GRIN2B: variants seen among roughly 807,000 people sequenced by gnomAD.
GRIN2B encodes glutamate ionotropic receptor NMDA type subunit 2B.
Under a neutral mutation model 114.5 loss-of-function variants are expected in GRIN2B, and 5 were observed. The observed-to-expected ratio is 0.04, with a 90% CI of 0.02 to 0.09. The LOEUF is 0.09. Among genes scored for constraint, GRIN2B ranks in the 10% least tolerant of loss-of-function variants. GRIN2B has a pLI of 1.00. For missense variants in GRIN2B, 1,108 were observed against 1,943.5 expected (o/e 0.57, Z 8.08); for synonymous variants, 787 against 745.1 (o/e 1.06, Z -0.92).
At chr12:13,661,112 C>T (rs559401448) in intron 5 of GRIN2B, among the ~76,000 whole-genome samples, 12 of 152,234 alleles carry the variant, frequency 7.9e-5, no homozygotes, top group Admixed American at 3.9e-4. Context: ...CTTCATTCTC[C>T]TAGTCCTCTA....
chr12:13,792,847 T>G (rs1312576038), intron 3 of GRIN2B, among the ~76,000 whole-genome samples: 1 of 152,214 alleles, frequency 6.6e-6, no homozygotes, highest in East Asian at 1.9e-4. Context: ...CAGCAGATAT[T>G]GCACCTGAAC....
At chr12:13,973,382 G>C (rs1415417715) in intron 2 of GRIN2B, among the ~76,000 whole-genome samples, 1 of 152,160 alleles carries the variant, frequency 6.6e-6, no homozygotes, top group Non-Finnish European at 1.5e-5. Context: ...TTTGCCGTTG[G>C]TGAGTTGAGT....
At chr12:13,694,157 G>C (rs974598706) in intron 4 of GRIN2B, among the ~76,000 whole-genome samples, 3 of 152,012 alleles carry the variant, frequency 2.0e-5, no homozygotes, top group Non-Finnish European at 4.4e-5. Flanking sequence ...TCATAGCCTT[G>C]CCAGAAAAAT....
chr12:13,861,572 A>G (rs1002709194), intron 3 of GRIN2B, among the ~76,000 whole-genome samples: 1 of 152,224 alleles, frequency 6.6e-6, no homozygotes, highest in Non-Finnish European at 1.5e-5. Flanking sequence ...TTACTATTCG[A>G]AACAGTCTCT....
At chr12:13,771,324 A>T (rs1488236250) in intron 3 of GRIN2B, among the ~76,000 whole-genome samples, 1 of 152,214 alleles carries the variant, frequency 6.6e-6, no homozygotes, top group African/African-American at 2.4e-5. Flanking sequence ...AGTCTTGGGT[A>T]TGTCTTTATT....
intron 5 of GRIN2B, among the ~76,000 whole-genome samples, chr12:13,659,088 C>T (rs979031256): frequency 6.6e-6 from 1 of 152,150 alleles, no homozygotes; most frequent in African/African-American, 2.4e-5. Flanking sequence ...GAGAACATCC[C>T]TCAGTCTGCA....
chr12:13,633,666 AG>A (rs1949637367), intron 5 of GRIN2B, among the ~76,000 whole-genome samples: 1 of 152,218 alleles, frequency 6.6e-6, no homozygotes, highest in Admixed American at 6.5e-5. Flanking sequence ...GACTTGAAAA[AG>A]TTTCATTTGC....
intron 3 of GRIN2B, among the ~76,000 whole-genome samples, chr12:13,779,372 T>C (rs192443729): frequency 2.3e-3 from 343 of 152,322 alleles, no homozygotes; most frequent in African/African-American, 7.7e-3. Context: ...TAGATGTTTT[T>C]TGGTTTTGTT....
rs1001372943 is a variant in GRIN2B at position 13,795,864 on chromosome 12, T to C, written c.412-41949A>G. 3.3e-5 allele frequency among the ~76,000 whole-genome samples: 5 copies of C among 151,802 alleles called. No homozygotes were observed. The East Asian group carries it at 9.7e-4, about 29-fold the overall frequency. ...ACCAAACATCACGTGTTCTAACTCATAGGTGGGAATTGAACAATGAGAACA... is the reference window on the plus strand; with the variant it reads ...ACCAAACATCACGTGTTCTAACTCACAGGTGGGAATTGAACAATGAGAACA... On this transcript the variant is annotated intron_variant, in intron 3 of 13. Coordinates refer to ENST00000609686, the MANE Select transcript of GRIN2B (RefSeq NM_000834.5).
At chr12:13,737,922 C>A (rs1216044702) in intron 4 of GRIN2B, among the ~76,000 whole-genome samples, 3 of 152,132 alleles carry the variant, frequency 2.0e-5, no homozygotes, top group Non-Finnish European at 4.4e-5. Flanking sequence ...AAATTATGTT[C>A]TTTCTTAATA....
At chr12:13,912,964 TC>T (rs1866649727) in intron 2 of GRIN2B, among the ~76,000 whole-genome samples, 1 of 152,064 alleles carries the variant, frequency 6.6e-6, no homozygotes, top group African/African-American at 2.4e-5. Flanking sequence ...GTCCCATACC[TC>T]AGTGGGTTTG....
intron 4 of GRIN2B, among the ~76,000 whole-genome samples, chr12:13,688,288 T>C (rs1243630525): frequency 6.6e-6 from 1 of 152,162 alleles, no homozygotes; most frequent in Non-Finnish European, 1.5e-5. Context: ...CCTAGGCTCT[T>C]GATTATGATT....
At chr12:13,739,243 G>A (rs1039087407) in intron 4 of GRIN2B, among the ~76,000 whole-genome samples, 2 of 151,718 alleles carry the variant, frequency 1.3e-5, no homozygotes, top group Non-Finnish European at 2.9e-5. Context: ...AGTCGGGCAT[G>A]GTGGTGCATG....
Position 13,539,168 on chromosome 12 carries a change from T to C in GRIN2B, c.*23615A>G, listed in dbSNP as rs576261135. The C allele has an allele frequency of 2.0e-5, 3 of 152,258 alleles. No homozygotes were observed. Among genetic ancestry groups the C allele is most frequent in the Admixed American group, 6.5e-5 (1 of 15,296 alleles). The allele number at this position is 152,258 out of a possible 1,614,324, so 9.4% of individuals were successfully genotyped here. On this transcript the variant is annotated 3_prime_UTR_variant, in exon 14 of 14. Coordinates refer to ENST00000609686, the MANE Select transcript of GRIN2B (RefSeq NM_000834.5). The stretch of plus-strand genomic sequence containing the variant: ...CAGATAATCTCTCTGAGACAGTAAC[T>C]TCAAAGAGATAACAATACATTATCC...
intron 3 of GRIN2B, among the ~76,000 whole-genome samples, chr12:13,766,909 C>T (rs1863801403): frequency 6.6e-6 from 1 of 152,110 alleles, no homozygotes; most frequent in Non-Finnish European, 1.5e-5. Context: ...TTCAGCGTTC[C>T]TACCGTAGAG....
At chr12:13,627,894 C>G (rs1018554390) in intron 5 of GRIN2B, among the ~76,000 whole-genome samples, 60 of 152,212 alleles carry the variant, frequency 3.9e-4, no homozygotes, top group African/African-American at 1.4e-3. Flanking sequence ...CTTCTATTCC[C>G]CATGCACTCC....
chr12:13,766,966 C>A (rs1239272511), intron 3 of GRIN2B, among the ~76,000 whole-genome samples: 1 of 152,118 alleles, frequency 6.6e-6, no homozygotes, highest in Non-Finnish European at 1.5e-5. Context: ...ACACAAGTAG[C>A]CTAATGTTGG....
intron 2 of GRIN2B, among the ~76,000 whole-genome samples, chr12:13,950,688 C>G (rs1255251357): frequency 2.6e-5 from 4 of 152,154 alleles, no homozygotes; most frequent in Non-Finnish European, 5.9e-5. Context: ...GATTCCTGCA[C>G]GACAGTAAAT....
Position 13,823,199 on chromosome 12 carries a change from C to A in GRIN2B, c.411+42599G>T, listed in dbSNP as rs1048373046. Among the ~76,000 whole-genome samples the A allele has an allele frequency of 7.6e-4, 115 of 152,034 alleles. 1 individual carries two copies. The highest frequency in any genetic ancestry group is 2.6e-3 in the African/African-American group (106 of 41,504). On this transcript the variant is annotated intron_variant, in intron 3 of 13. Transcript: ENST00000609686. The stretch of plus-strand genomic sequence containing the variant: ...TAATGACATCAATTTCTACCCCCAC[C>A]CTGAAAAAACCCCACTGGGCTTTTT...
Sources: allele counts gnomAD v4.1 joint callset (sites outside exome capture counted in the v4.1 genomes callset), GRCh38; gene constraint gnomAD v4.1.1; transcripts MANE v1.5; gene names NCBI Gene and HGNC (gene_info 2026-07-23, HGNC 2026-07-21).